ADCY5: variants seen among roughly 807,000 people sequenced by gnomAD.
The protein encoded by ADCY5 is adenylate cyclase type 5.
A neutral mutation model predicts 119.7 loss-of-function variants in ADCY5; 30 were observed. The ratio of observed to expected loss-of-function variants is 0.25; its 90% CI spans 0.19 to 0.34. The LOEUF is 0.34. Among genes scored for constraint, ADCY5 ranks in the 10% least tolerant of loss-of-function variants. The pLI, the probability that ADCY5 is intolerant of heterozygous loss-of-function variation, is 1.00. For missense variants in ADCY5, 1,324 were observed against 1,775.2 expected, an observed-to-expected ratio of 0.75 and a Z score of 4.57; for synonymous variants, 753 against 762.2, an observed-to-expected ratio of 0.99 and a Z score of 0.20.
intron 13 of ADCY5, 95 bp downstream of exon 13, chr3:123,303,971 GA>G: frequency 1.2e-6 from 1 of 863,904 alleles, no homozygotes; most frequent in Non-Finnish European, 1.9e-6. Flanking sequence ...AACTTCCAGG[GA>G]AAGTCTCTCC....
Position 123,344,569 on chromosome 3 carries a change from C to T in ADCY5, c.1406+3213G>A, listed in dbSNP as rs1196216414. Among the ~76,000 whole-genome samples the T allele has an allele frequency of 3.3e-5, 5 of 152,154 alleles. No homozygotes were observed. In the East Asian group the frequency reaches 7.7e-4, roughly 23 times the overall value. ...GAGTGGCTCAATGCTTGTAACTTGT[C>T]CTGGTCACATGGCCAGGAAACAGCA... is the stretch of plus-strand genomic sequence containing the variant. On this transcript the variant is annotated intron_variant, in intron 3 of 20. Transcript: ENST00000462833.
chr3:123,313,091 G>A (rs1012772769), intron 12 of ADCY5, among the ~76,000 whole-genome samples: 2 of 142,724 alleles, frequency 1.4e-5, no homozygotes, highest in African/African-American at 6.1e-5. Context: ...GCGGCTCAGC[G>A]TGGCGTGCTT....
At chr3:123,342,291 C>T (rs75820103) in intron 3 of ADCY5, among the ~76,000 whole-genome samples, 1,683 of 152,318 alleles carry the variant, frequency 0.011, 22 homozygotes, top group Admixed American at 0.018. Context: ...CAGAACCACA[C>T]TGCAGCAGAG....
intron 3 of ADCY5, among the ~76,000 whole-genome samples, chr3:123,334,446 A>G (rs1468826079): frequency 6.6e-6 from 1 of 152,222 alleles, no homozygotes; most frequent in Non-Finnish European, 1.5e-5. Flanking sequence ...TACATTAAGC[A>G]TGTCTTTTTA....
chr3:123,381,669 G>A (rs1186165369), intron 1 of ADCY5, among the ~76,000 whole-genome samples: 1 of 152,132 alleles, frequency 6.6e-6, no homozygotes, highest in Non-Finnish European at 1.5e-5. Flanking sequence ...TTTGCATAGG[G>A]TCCCACAAAT....
At chr3:123,333,822 C>T (rs1941895739) in intron 3 of ADCY5, among the ~76,000 whole-genome samples, 1 of 152,196 alleles carries the variant, frequency 6.6e-6, no homozygotes, top group East Asian at 1.9e-4. Flanking sequence ...ACTTCCCAAT[C>T]CCACACAGAA....
chr3:123,447,673 G>T lies in ADCY5; in HGVS notation c.873C>A (p.Ala291=), dbSNP rs775951524. The change falls in exon 1 of 21, where the codon GCC becomes GCA. Residue 291 remains alanine, a synonymous_variant. Coordinates refer to ENST00000462833, the MANE Select transcript of ADCY5 (RefSeq NM_183357.3). ...GGCCCATGTGGTCCTGGTGGAAGGC[G>T]GCGCGGTTGCAAAGCACAGCCATGA... ...ILIMAVLCNR[A]AFHQDHMGLA... is the part of the protein sequence containing the mutation. 2 of 1,605,974 alleles carry T rather than the reference G, an allele frequency of 1.2e-6. No individual in the cohort carries two copies. Among genetic ancestry groups the T allele is most frequent in the South Asian group, 2.2e-5 (2 of 90,456 alleles).
chr3:123,283,279 T>TAAGC lies in ADCY5; in HGVS notation c.*1325_*1328dup, dbSNP rs1938491743. The TAAGC allele has an allele frequency of 6.6e-6, 1 of 152,204 alleles. No homozygotes were observed. Among genetic ancestry groups the TAAGC allele is most frequent in the Admixed American group, 6.5e-5 (1 of 15,278 alleles). 9.4% of individuals were successfully genotyped at this position (152,204 alleles called of 1,614,324 possible). On this transcript the variant is annotated 3_prime_UTR_variant, in exon 21 of 21. Coordinates refer to ENST00000462833, the MANE Select transcript of ADCY5 (RefSeq NM_183357.3). ...AGCCTGCAAAGCACCTGGCCTTCTG[T>TAAGC]AAGCACTCTGGAATCTGTGGGCGCT...
chr3:123,396,686 GAA>G (rs1424140626), intron 1 of ADCY5, among the ~76,000 whole-genome samples: 3 of 142,182 alleles, frequency 2.1e-5, no homozygotes, highest in Middle Eastern at 3.6e-3. Context: ...AAGAACAAAA[GAA>G]AGAGAGAGAG....
chr3:123,308,025 G>T (rs1576549988), intron 12 of ADCY5, among the ~76,000 whole-genome samples: 12 of 117,352 alleles, frequency 1.0e-4, no homozygotes, highest in South Asian at 2.8e-4. Flanking sequence ...TTTTTTTCAT[G>T]CTCTTTTTTT....
At chr3:123,302,036 G>C (rs984639405) in intron 14 of ADCY5, among the ~76,000 whole-genome samples, 1 of 152,228 alleles carries the variant, frequency 6.6e-6, no homozygotes. Context: ...GGCTGGGTGG[G>C]GGGCCCACAC....
chr3:123,319,983 C>T (rs1368276969), intron 9 of ADCY5, among the ~76,000 whole-genome samples, 165 bp from the exon 10 acceptor site: 1 of 152,228 alleles, frequency 6.6e-6, no homozygotes, highest in Admixed American at 6.5e-5. Context: ...AAGCCTAAGC[C>T]GTGCTCTTAA....
intron 20 of ADCY5, among the ~76,000 whole-genome samples, chr3:123,285,397 A>G (rs1359329084): frequency 1.3e-5 from 2 of 152,176 alleles, no homozygotes; most frequent in Non-Finnish European, 2.9e-5. Context: ...CGATGGCCTC[A>G]CTAATTTCAC....
rs1326878332 is a variant in ADCY5, at chr3:123,447,662, T to C, written c.884A>G (p.Gln295Arg). ...AVLCNRAAFH[Q>R]DHMGLACYAL... ...ATAGCAGGCCAGGCCCATGTGGTCC[T>C]GGTGGAAGGCGGCGCGGTTGCAAAG... is the stretch of plus-strand genomic sequence containing the variant. Residue 295 changes from glutamine (Q) to arginine (R), a missense_variant, in exon 1 of 21, where the codon CAG becomes CGG. Physicochemically the swap from Gln to Arg is conservative, Grantham distance 43. This residue lies in a region of ADCY5 where 585 missense variants were observed against 569.9 expected (regional missense o/e 1.03). Transcript: ENST00000462833. The C allele has an allele frequency of 1.2e-6, 2 of 1,607,400 alleles. No homozygotes were observed. Among genetic ancestry groups the C allele is most frequent in the Admixed American group, 1.7e-5 (1 of 59,618 alleles).
In ADCY5 at chr3:123,369,187, C is replaced by T. The variant is rs1943552644; in HGVS notation, c.1135-16606G>A. On this transcript the variant is annotated intron_variant, in intron 1 of 20. Coordinates refer to ENST00000462833, the MANE Select transcript of ADCY5 (RefSeq NM_183357.3). ...GAAGAGGAGAAGAGACCTGAGCTAA[C>T]GTGCACACATATGCTCTGTTTCGCC... Among the ~76,000 whole-genome samples the T allele has an allele frequency of 2.6e-5, 4 of 152,186 alleles. No homozygotes were observed. The South Asian group carries it at 8.3e-4, about 32-fold the overall frequency.
chr3:123,328,700 G>A lies in ADCY5; in HGVS notation c.1749C>T (p.Asp583=), dbSNP rs367637652. The A allele has an allele frequency of 1.7e-5, 27 of 1,614,070 alleles. No homozygotes were observed. The highest frequency in any genetic ancestry group is 9.3e-5 in the African/African-American group (7 of 74,938). ...CTAGCGTGACATCGTTAGACCAGAC[G>A]TCGAACTGCCACTTCCTGAGACCAA... is the stretch of plus-strand genomic sequence containing the variant. ...GVLGLRKWQF[D]VWSNDVTLAN... Residue 583 remains aspartate, a synonymous_variant, in exon 6 of 21, where the codon GAC becomes GAT. Coordinates refer to ENST00000462833, the MANE Select transcript of ADCY5 (RefSeq NM_183357.3).
chr3:123,406,233 A>G (rs568596698), intron 1 of ADCY5, among the ~76,000 whole-genome samples: 1 of 152,324 alleles, frequency 6.6e-6, no homozygotes, highest in African/African-American at 2.4e-5. Flanking sequence ...TGCCAATCCT[A>G]AACCTGCTGA....
chr3:123,429,824 C>A (rs1305930309), intron 1 of ADCY5, among the ~76,000 whole-genome samples: 1 of 152,180 alleles, frequency 6.6e-6, no homozygotes, highest in Non-Finnish European at 1.5e-5. Context: ...TGAGCAACCA[C>A]ACTCTGCTGG....
intron 1 of ADCY5, among the ~76,000 whole-genome samples, chr3:123,386,764 C>T (rs1379011794): frequency 6.6e-6 from 1 of 152,104 alleles, no homozygotes; most frequent in Non-Finnish European, 1.5e-5. Context: ...ACTTTCTTCC[C>T]ACGCTGCCTG....
Sources: allele counts gnomAD v4.1 joint callset (sites outside exome capture counted in the v4.1 genomes callset), GRCh38; gene constraint gnomAD v4.1.1; regional missense constraint gnomAD v4.1.1; transcripts MANE v1.5; gene names NCBI Gene and HGNC (gene_info 2026-07-23, HGNC 2026-07-21).